DCBLD1: variants seen among roughly 807,000 people sequenced by gnomAD.
The protein encoded by DCBLD1 is discoidin, CUB and LCCL domain containing 1.
Under a neutral mutation model 71.5 loss-of-function variants are expected in DCBLD1, and 57 were observed. The observed-to-expected ratio is 0.80, with a 90% CI of 0.64 to 0.99. DCBLD1 has a LOEUF of 0.99. Ranked by LOEUF, DCBLD1 falls within the 50% of genes least tolerant of loss-of-function variation. DCBLD1 has a pLI of 0.00. For synonymous variants in DCBLD1, 380 were observed against 363.8 expected (o/e 1.04, Z -0.51); for missense variants, 891 against 923.5 (o/e 0.96, Z 0.46).
intron 5 of DCBLD1, among the ~76,000 whole-genome samples, chr6:117,526,885 G>C (rs965176498): frequency 2.0e-5 from 3 of 152,210 alleles, no homozygotes; most frequent in African/African-American, 7.2e-5. Flanking sequence ...ACTGGACATG[G>C]TTTAGCTGGG....
At chr6:117,550,651 G>C (rs1779412801), downstream of DCBLD1, among the ~76,000 whole-genome samples, 1 of 152,244 alleles carries the variant, frequency 6.6e-6, no homozygotes, top group Admixed American at 6.5e-5. Flanking sequence ...AGATTGTTTT[G>C]TGTTTATTTT....
rs1365614272 is a variant in DCBLD1, at chr6:117,532,411, G to T, written c.719+18G>T. 2 of 1,590,914 alleles carry T rather than the reference G, an allele frequency of 1.3e-6. No homozygotes were observed. The highest frequency in any genetic ancestry group is 1.7e-6 in the Non-Finnish European group (2 of 1,170,674). ...TCGAGGGAGTAAGTATTTTTTTTCA[G>T]TATCGTTTGTTCTGAGTAGAAGGTA... On this transcript the variant is annotated intron_variant, in intron 6 of 14. Coordinates refer to ENST00000338728, the MANE Select transcript of DCBLD1 (RefSeq NM_001366458.2).
In DCBLD1 at chr6:117,539,279, A is replaced by G. The variant is rs757926608; in HGVS notation, c.1001A>G (p.Gln334Arg). The change falls in exon 9 of 15, where the codon CAG becomes CGG. Residue 334 changes from glutamine (Q) to arginine (R), a missense_variant. Physicochemically the swap from Gln to Arg is conservative, Grantham distance 43. Coordinates refer to ENST00000338728, the MANE Select transcript of DCBLD1 (RefSeq NM_001366458.2). ...GGAATTAGGACCACAGGATCTACAC[A>G]GTCGAACTTCAACTTTTATGTTAAG... ...ITGIRTTGSTQSNFNFYVKSF... is the reference protein window; with the variant it reads ...ITGIRTTGSTRSNFNFYVKSF... The G allele has an allele frequency of 1.7e-5, 27 of 1,603,788 alleles. 1 individual carries two copies. In the South Asian group the frequency reaches 2.8e-4, roughly 17 times the overall value.
Position 117,482,853 on chromosome 6 carries a change from C to A in DCBLD1, c.72C>A (p.Leu24=). The change falls in exon 1 of 15, where the codon CTC becomes CTA. Residue 24 remains leucine, a synonymous_variant. Coordinates refer to ENST00000338728, the MANE Select transcript of DCBLD1 (RefSeq NM_001366458.2). ...AAGRGLLALL[L]AVSAPLRLQA... ...GGCGGGGCCTCCTGGCTTTGCTGCT[C>A]GCGGTCTCCGCCCCGCTCCGGCTGC... The A allele has an allele frequency of 2.5e-6, 3 of 1,183,966 alleles. No individual in the cohort carries two copies. The South Asian group carries it at 1.1e-4, about 43-fold the overall frequency. 73.3% of individuals were successfully genotyped at this position (1,183,966 alleles called of 1,614,324 possible). A position where few individuals can be genotyped will look rare whatever the true frequency, so the allele number is the denominator to read the frequency against.
At chr6:117,547,299 A>G (rs1368420825) in intron 14 of DCBLD1, among the ~76,000 whole-genome samples, 1 of 152,166 alleles carries the variant, frequency 6.6e-6, no homozygotes, top group Non-Finnish European at 1.5e-5. Flanking sequence ...ACCTAGGAAA[A>G]GTTAGTCTCT....
chr6:117,568,450 G>T (rs1401426945), intron 14 of DCBLD1, among the ~76,000 whole-genome samples: 1 of 152,108 alleles, frequency 6.6e-6, no homozygotes, highest in African/African-American at 2.4e-5. Context: ...TGCTTAGTTA[G>T]CATTTCCTTA....
In DCBLD1 at chr6:117,483,817, G is replaced by A. The variant is rs955177049; in HGVS notation, c.112+924G>A. 4.6e-5 allele frequency among the ~76,000 whole-genome samples: 7 copies of A among 151,912 alleles called. No homozygotes were observed. In the South Asian group the frequency reaches 1.5e-3, roughly 32 times the overall value. On this transcript the variant is annotated intron_variant, in intron 1 of 14. Transcript: ENST00000338728. Reference sequence around the variant, plus strand: ...TTATTTAATGGCGCTGAGTCTATCCGGAGTACTTTGACAGCTCCCCCAACC... The same window carrying A: ...TTATTTAATGGCGCTGAGTCTATCCAGAGTACTTTGACAGCTCCCCCAACC...
At chr6:117,528,633 ATTG>A (rs1055438051) in intron 5 of DCBLD1, among the ~76,000 whole-genome samples, 8 of 152,198 alleles carry the variant, frequency 5.3e-5, no homozygotes, top group African/African-American at 1.9e-4. Context: ...AGAAATGTTT[ATTG>A]TAGATAATGC....
At chr6:117,499,596 T>A (rs1777585010) in intron 1 of DCBLD1, among the ~76,000 whole-genome samples, 1 of 152,192 alleles carries the variant, frequency 6.6e-6, no homozygotes, top group Admixed American at 6.5e-5. Flanking sequence ...CACATGCAAT[T>A]GGAAGAACTA....
intron 14 of DCBLD1, among the ~76,000 whole-genome samples, chr6:117,554,847 C>A (rs1362672628): frequency 6.7e-6 from 1 of 149,788 alleles, no homozygotes; most frequent in African/African-American, 2.5e-5. Flanking sequence ...GAGCCGAGAT[C>A]GAGTCACTGC....
chr6:117,512,852 G>A (rs1336609957), intron 2 of DCBLD1, among the ~76,000 whole-genome samples: 1 of 151,786 alleles, frequency 6.6e-6, no homozygotes, highest in Non-Finnish European at 1.5e-5. Context: ...TCTCTCAGTG[G>A]TTTTTCCCAC....
At chr6:117,499,930 A>G (rs1777596685) in intron 1 of DCBLD1, among the ~76,000 whole-genome samples, 1 of 152,212 alleles carries the variant, frequency 6.6e-6, no homozygotes, top group African/African-American at 2.4e-5. Context: ...AGGCAGGACA[A>G]TCGCTTGAAC....
intron 1 of DCBLD1, chr6:117,503,502 T>C: frequency 2.3e-6 from 1 of 434,342 alleles, no homozygotes; most frequent in South Asian, 3.2e-5. Flanking sequence ...AAAATAATGA[T>C]TAAATGATTT....
intron 14 of DCBLD1, chr6:117,547,564 T>C (rs1010630125): frequency 1.8e-6 from 1 of 563,704 alleles, no homozygotes; most frequent in Non-Finnish European, 3.5e-6. Flanking sequence ...GGCTGTTTTT[T>C]TCTCCATTTC....
At chr6:117,508,241 A>G (rs1188325822) in intron 2 of DCBLD1, 1 of 152,216 alleles carries the variant, frequency 6.6e-6, no homozygotes, top group Non-Finnish European at 1.5e-5. Flanking sequence ...GATTCAGACA[A>G]GTGGTTTATT....
chr6:117,496,711 T>A (rs1777481471), intron 1 of DCBLD1, among the ~76,000 whole-genome samples: 1 of 151,988 alleles, frequency 6.6e-6, no homozygotes, highest in African/African-American at 2.4e-5. Context: ...GTTTTACTTT[T>A]GTGATATTTT....
chr6:117,507,884 A>T (rs902628494), intron 2 of DCBLD1: 1 of 152,248 alleles, frequency 6.6e-6, no homozygotes, highest in East Asian at 1.9e-4. Flanking sequence ...AGTTTCTAAC[A>T]TTAGAAATTA....
chr6:117,504,867 T>C (rs1777787369), intron 2 of DCBLD1, among the ~76,000 whole-genome samples: 1 of 152,190 alleles, frequency 6.6e-6, no homozygotes. Flanking sequence ...ACTTTTAAAA[T>C]GATATAGGTT....
At position 117,548,070 on chromosome 6, in the gene DCBLD1, G is replaced by A; in HGVS notation, c.1779G>A (p.Leu593=). Residue 593 remains leucine, a synonymous_variant, in exon 15 of 15, where the codon CTG becomes CTA. Transcript: ENST00000338728. ...RAGRHEYALP[L]APPEPEYATP... ...GCCGCCACGAGTACGCGCTGCCCCT[G>A]GCGCCCCCGGAGCCCGAGTACGCCA... 6.5e-7 allele frequency: 1 copy of A among 1,548,830 alleles called. No homozygotes were observed.
Sources: allele counts gnomAD v4.1 joint callset (sites outside exome capture counted in the v4.1 genomes callset), GRCh38; gene constraint gnomAD v4.1.1; transcripts MANE v1.5; gene names NCBI Gene and HGNC (gene_info 2026-07-23, HGNC 2026-07-21).